The following TLN2 variants were observed in gnomAD, a reference collection of about 807,000 sequenced individuals.
TLN2 encodes the protein talin 2.
TLN2 carries 118 observed loss-of-function variants against 294.7 expected under a neutral mutation model. That is an observed-to-expected ratio of 0.40 (90% CI 0.34 to 0.47). The LOEUF (loss-of-function observed/expected upper bound fraction) is 0.47, where lower values mean the gene tolerates loss of function less well. Ranked by LOEUF, TLN2 falls within the 20% of genes least tolerant of loss-of-function variation. The pLI is 0.84. For synonymous variants in TLN2, 1,431 were observed against 1,304.5 expected, an observed-to-expected ratio of 1.10 and a Z score of -2.09; for missense variants, 3,083 against 3,282.2, an observed-to-expected ratio of 0.94 and a Z score of 1.48.
At position 62,761,737 on chromosome 15, in the gene TLN2, A is replaced by T; in HGVS notation, c.4695A>T (p.Ala1565=). The change falls in exon 38 of 59, where the codon GCA becomes GCT. Residue 1565 remains alanine (A), a synonymous_variant. Coordinates refer to ENST00000636159, the MANE Select transcript of TLN2 (RefSeq NM_015059.3). ...GCAATAAGTGTCGCATCGCCACCGC[A>T]CCCTTGATTGAAGCTGTGGAGAACC... ...DNRNKCRIAT[A]PLIEAVENLT... 1.2e-6 allele frequency: 2 copies of T among 1,614,116 alleles called. No homozygotes were observed. Among genetic ancestry groups the T allele is most frequent in the South Asian group, 2.2e-5 (2 of 91,082 alleles).
rs1166867980 is a variant in TLN2 at position 62,722,620 on chromosome 15, G to C, written c.3126+133G>C. ...CCATTCTACTTGCATGACTATTAAA[G>C]ATGCCCCTGTGGGTTGGCTTTTGTT... On this transcript the variant is annotated intron_variant, in intron 26 of 58. Coordinates refer to ENST00000636159, the MANE Select transcript of TLN2 (RefSeq NM_015059.3). The C allele has an allele frequency of 5.9e-6, 7 of 1,194,712 alleles. No individual in the cohort carries two copies. The African/African-American group carries it at 6.0e-5, about 10-fold the overall frequency. The allele number at this position is 1,194,712 out of a possible 1,614,324, so 74.0% of individuals were successfully genotyped here.
chr15:62,739,461 A>G lies in TLN2; in HGVS notation c.3801A>G (p.Gly1267=). Residue 1267 remains glycine (G), a synonymous_variant, in exon 31 of 59, where the codon GGA becomes GGG. Transcript: ENST00000636159. ...EVVHATRGQS[G]ELAAASGKFS... ...TCCATGCCACCCGGGGCCAGAGTGG[A>G]GAGTTGGCTGCAGCCTCTGGAAAGT... The G allele has an allele frequency of 6.2e-7, 1 of 1,614,172 alleles. No individual in the cohort carries two copies. The highest frequency in any genetic ancestry group is 1.1e-5 in the South Asian group (1 of 91,088).
intron 3 of TLN2, among the ~76,000 whole-genome samples, chr15:62,624,373 GCCCTT>G: frequency 6.6e-6 from 1 of 152,312 alleles, no homozygotes; most frequent in Non-Finnish European, 1.5e-5. Context: ...AACCTCCACT[GCCCTT>G]CCGACTGAAT....
intron 1 of TLN2, among the ~76,000 whole-genome samples, chr15:62,535,600 G>A (rs1288861078): frequency 1.4e-5 from 2 of 146,478 alleles, no homozygotes; most frequent in Non-Finnish European, 3.0e-5. Context: ...CTGTTGCCCC[G>A]GCCAGAGTGC....
intron 1 of TLN2, among the ~76,000 whole-genome samples, chr15:62,392,909 T>G (rs1373543394): frequency 2.0e-5 from 3 of 152,142 alleles, no homozygotes; most frequent in African/African-American, 7.2e-5. Flanking sequence ...CTACCTTGAT[T>G]GCTTATTTGG....
rs547306473 is a variant in TLN2 at position 62,685,893 on chromosome 15, A to C, written c.958-748A>C. 4.9e-4 allele frequency among the ~76,000 whole-genome samples: 75 copies of C among 152,258 alleles called. 1 individual carries two copies. The East Asian group carries it at 6.9e-3, about 14-fold the overall frequency. ...AGTATGTATATTTTGAGTTAAGCAT[A>C]TTAATCGTTTCCTTTATGGCTTCTT... On this transcript the variant is annotated intron_variant, in intron 11 of 58. Coordinates refer to ENST00000636159, the MANE Select transcript of TLN2 (RefSeq NM_015059.3).
At position 62,653,149 on chromosome 15, in the gene TLN2, T is replaced by A; in HGVS notation, c.365-13T>A. 6.5e-7 allele frequency: 1 copy of A among 1,530,526 alleles called. No individual in the cohort carries two copies. Among genetic ancestry groups the A allele is most frequent in the Middle Eastern group, 1.7e-4 (1 of 5,824 alleles). 94.8% of individuals were successfully genotyped at this position (1,530,526 alleles called of 1,614,324 possible). ...TAATTATTTATAATTATAACCTAAT[T>A]TCCAATGTTTAGGAATAACAAATTA... is the stretch of plus-strand genomic sequence containing the variant. On this transcript the variant is annotated splice_polypyrimidine_tract_variant and intron_variant, in intron 6 of 58. Coordinates refer to ENST00000636159, the MANE Select transcript of TLN2 (RefSeq NM_015059.3).
intron 1 of TLN2, among the ~76,000 whole-genome samples, chr15:62,465,625 AG>A (rs1166182908): frequency 6.6e-6 from 1 of 152,224 alleles, no homozygotes; most frequent in African/African-American, 2.4e-5. Flanking sequence ...GGGAATGGCA[AG>A]GTGGTAGCAC....
At chr15:62,476,879 G>A (rs1362766764) in intron 1 of TLN2, among the ~76,000 whole-genome samples, 1 of 152,128 alleles carries the variant, frequency 6.6e-6, no homozygotes. Flanking sequence ...CTTTAGAGAT[G>A]CTTATCTGAC....
intron 1 of TLN2, among the ~76,000 whole-genome samples, chr15:62,589,190 A>G (rs1189755445): frequency 4.6e-5 from 7 of 152,144 alleles, no homozygotes; most frequent in Non-Finnish European, 1.0e-4. Flanking sequence ...TTGGGTTTCC[A>G]TGGAGCAAGT....
rs748278928 is a variant in TLN2, at chr15:62,796,254, C to T, written c.6011C>T (p.Thr2004Met). The T allele has an allele frequency of 8.7e-6, 14 of 1,614,194 alleles. No individual in the cohort carries two copies. The highest frequency in any genetic ancestry group is 1.7e-5 in the Admixed American group (1 of 60,028). Residue 2004 changes from threonine to methionine, a missense_variant, in exon 47 of 59, where the codon ACG becomes ATG. Thr to Met is a moderately conservative substitution (Grantham distance 81, BLOSUM62 -1). Transcript: ENST00000636159. ...DTTIMFATAGTLNAENSETFA... is the reference protein window; with the variant it reads ...DTTIMFATAGMLNAENSETFA... ...ACCATTATGTTTGCAACAGCGGGGA[C>T]GCTGAATGCAGAGAACAGTGAGACC...
intron 3 of TLN2, among the ~76,000 whole-genome samples, chr15:62,620,532 G>T (rs187992354): frequency 2.0e-4 from 29 of 148,168 alleles, no homozygotes; most frequent in African/African-American, 7.2e-4. Context: ...AAGCTGGAGC[G>T]CAGTGGCATG....
intron 2 of TLN2, among the ~76,000 whole-genome samples, chr15:62,608,998 A>T (rs1268956814): frequency 6.6e-6 from 1 of 152,054 alleles, no homozygotes; most frequent in Non-Finnish European, 1.5e-5. Flanking sequence ...AGGCTGTGCA[A>T]GGGAGCATAG....
intron 14 of TLN2, among the ~76,000 whole-genome samples, chr15:62,697,013 T>C (rs1014251198): frequency 6.6e-6 from 1 of 152,232 alleles, no homozygotes; most frequent in Admixed American, 6.5e-5. Context: ...TTAATGAATG[T>C]TCTTTCAGAT....
At chr15:62,750,792 G>C (rs2140994687) in intron 34 of TLN2, among the ~76,000 whole-genome samples, 1 of 152,232 alleles carries the variant, frequency 6.6e-6, no homozygotes, top group African/African-American at 2.4e-5. Flanking sequence ...TGTGGTCCAG[G>C]AACCATACTT....
chr15:62,577,153 A>G (rs1404230512), intron 1 of TLN2, among the ~76,000 whole-genome samples: 1 of 152,226 alleles, frequency 6.6e-6, no homozygotes, highest in Non-Finnish European at 1.5e-5. Context: ...ATTGTTGAAA[A>G]TACTACTTTG....
intron 1 of TLN2, among the ~76,000 whole-genome samples, chr15:62,415,991 G>T (rs1446697947): frequency 6.6e-6 from 1 of 152,138 alleles, no homozygotes; most frequent in Non-Finnish European, 1.5e-5. Context: ...AAGAATGTTG[G>T]GGAAATATAA....
intron 54 of TLN2, among the ~76,000 whole-genome samples, chr15:62,825,000 C>T (rs977095250): frequency 6.6e-6 from 1 of 152,192 alleles, no homozygotes; most frequent in African/African-American, 2.4e-5. Context: ...ACATTGCTTA[C>T]AGGTGAATGC....
At position 62,403,888 on chromosome 15, in the gene TLN2, C is replaced by T. The variant is rs183665585; in HGVS notation, c.-238+13203C>T. On this transcript the variant is annotated intron_variant, in intron 1 of 58. Coordinates refer to ENST00000636159, the MANE Select transcript of TLN2 (RefSeq NM_015059.3). ...TATCATTTACTATTCCCTGATATTA[C>T]ATACAGGACTCACTTATTGTCTATC... Among the ~76,000 whole-genome samples, 6 of 152,340 alleles carry T rather than the reference C, an allele frequency of 3.9e-5. No homozygotes were observed. In the East Asian group the frequency reaches 7.7e-4, roughly 20 times the overall value.
Sources: gnomAD v4.1 joint callset for allele counts (sites outside exome capture counted in the v4.1 genomes callset) on GRCh38, gnomAD v4.1.1 for gene constraint, MANE v1.5 for transcripts, NCBI Gene and HGNC (gene_info 2026-07-23, HGNC 2026-07-21) for gene names.